Variants in RBM28 observed in about 807,000 individuals in gnomAD.
RBM28 encodes the protein RNA-binding protein 28.
A neutral mutation model predicts 98.3 loss-of-function variants in RBM28; 78 were observed. The ratio of observed to expected loss-of-function variants is 0.79; its 90% CI spans 0.66 to 0.96. RBM28 has a LOEUF of 0.96. Among genes scored for constraint, RBM28 ranks in the 40% least tolerant of loss-of-function variants. The probability of loss-of-function intolerance (pLI) is 0.00; values close to 1 mark genes in which losing one functional copy is unlikely to be tolerated. For missense variants in RBM28, 838 were observed against 913.0 expected, an observed-to-expected ratio of 0.92 and a Z score of 1.06; for synonymous variants, 306 against 330.9, an observed-to-expected ratio of 0.92 and a Z score of 0.82.
intron 8 of RBM28, among the ~76,000 whole-genome samples, chr7:128,334,882 G>A (rs532826371): frequency 6.6e-6 from 1 of 152,268 alleles, no homozygotes; most frequent in African/African-American, 2.4e-5. Context: ...AGAAAAGAGA[G>A]ACCAGAGTTC....
chr7:128,299,874 A>C lies in RBM28; in HGVS notation c.*10923T>G, dbSNP rs1795757685. 1 of 152,268 alleles carries C rather than the reference A, an allele frequency of 6.6e-6. No individual in the cohort carries two copies. The highest frequency in any genetic ancestry group is 6.5e-5 in the Admixed American group (1 of 15,290). The allele number at this position is 152,268 out of a possible 1,614,324, so 9.4% of individuals were successfully genotyped here. ...TTTATAAGAAGAGGGAAATTTGGAC[A>C]TAGACCTATAGACACAGGGAGAAGA... On this transcript the variant is annotated 3_prime_UTR_variant, in exon 19 of 19. Coordinates refer to ENST00000223073, the MANE Select transcript of RBM28 (RefSeq NM_018077.3).
At chr7:128,311,860 A>G (rs1420994485) in intron 18 of RBM28, among the ~76,000 whole-genome samples, 1 of 152,184 alleles carries the variant, frequency 6.6e-6, no homozygotes. Flanking sequence ...TAGGGTTCTA[A>G]TTAAAAATGC....
chr7:128,329,415 T>C (rs1796424746), intron 10 of RBM28, among the ~76,000 whole-genome samples: 1 of 152,102 alleles, frequency 6.6e-6, no homozygotes, highest in African/African-American at 2.4e-5. Flanking sequence ...TACTTTTTTT[T>C]AGCTGAGTAA....
At chr7:128,315,765 A>G (rs912231904) in intron 16 of RBM28, among the ~76,000 whole-genome samples, 5 of 152,238 alleles carry the variant, frequency 3.3e-5, no homozygotes, top group Non-Finnish European at 7.3e-5. Context: ...ATCCTTCAAA[A>G]GTGAAGGAAA....
chr7:128,333,187 A>G (rs778681347), intron 9 of RBM28, 103 bp downstream of exon 9: 5 of 885,114 alleles, frequency 5.6e-6, no homozygotes, highest in Non-Finnish European at 7.6e-6. Flanking sequence ...TGCTTGATCT[A>G]ATTTCTGGGC....
intron 14 of RBM28, among the ~76,000 whole-genome samples, chr7:128,320,327 G>GT (rs1796201277): frequency 7.9e-6 from 1 of 127,366 alleles, no homozygotes; most frequent in African/African-American, 2.9e-5. Context: ...CTTGAGCTTG[G>GT]GGGGGGGGGG....
At chr7:128,323,402 C>G in intron 13 of RBM28, 125 bp downstream of exon 13, 1 of 1,105,252 alleles carries the variant, frequency 9.0e-7, no homozygotes, top group East Asian at 2.4e-5. Flanking sequence ...TTCTCCCTAA[C>G]AGGGCAATAA....
Position 128,302,799 on chromosome 7 carries a change from G to T in RBM28, c.*7998C>A, listed in dbSNP as rs1204115352. ...TATTTTTATTATTTTTTTAGACAGG[G>T]TATCACGCTGTTGCCCAGGTTGGAG... On this transcript the variant is annotated 3_prime_UTR_variant, in exon 19 of 19. Coordinates refer to ENST00000223073, the MANE Select transcript of RBM28 (RefSeq NM_018077.3). 2 of 152,058 alleles carry T rather than the reference G, an allele frequency of 1.3e-5. No individual in the cohort carries two copies. Among genetic ancestry groups the T allele is most frequent in the South Asian group, 2.1e-4 (1 of 4,820 alleles). 9.4% of individuals were successfully genotyped at this position (152,058 alleles called of 1,614,324 possible). A position where few individuals can be genotyped will look rare whatever the true frequency, so the allele number is the denominator to read the frequency against.
intron 10 of RBM28, among the ~76,000 whole-genome samples, chr7:128,328,396 C>G (rs1796399923): frequency 6.6e-6 from 1 of 152,164 alleles, no homozygotes; most frequent in Non-Finnish European, 1.5e-5. Flanking sequence ...GCAGTTAATA[C>G]TTAGCTCTTC....
In RBM28 at chr7:128,337,211, C is replaced by A. The variant is rs1183431054; in HGVS notation, c.542-9G>T. 2 of 1,614,058 alleles carry A rather than the reference C, an allele frequency of 1.2e-6. No homozygotes were observed. The highest frequency in any genetic ancestry group is 1.7e-6 in the Non-Finnish European group (2 of 1,179,964). ...CACAGCCACTGTCCGGCCTGTCAAG[C>A]AGAAAAGTGGCATCAGAAAGGCTCT... On this transcript the variant is annotated splice_polypyrimidine_tract_variant and intron_variant, in intron 5 of 18. Transcript: ENST00000223073.
At chr7:128,314,032 G>C (rs900659452) in intron 17 of RBM28, among the ~76,000 whole-genome samples, 1 of 151,624 alleles carries the variant, frequency 6.6e-6, no homozygotes, top group Non-Finnish European at 1.5e-5. Flanking sequence ...GCGTGATCTC[G>C]GCTCACTGCA....
intron 8 of RBM28, among the ~76,000 whole-genome samples, chr7:128,335,108 G>A (rs1262537627): frequency 6.6e-6 from 1 of 152,172 alleles, no homozygotes; most frequent in East Asian, 1.9e-4. Flanking sequence ...AGTCCAAACT[G>A]ACTAAACAGT....
rs1431503215 is a variant in RBM28 at position 128,310,417 on chromosome 7, A to C, written c.*380T>G. ...TGACGTTGTTACTAAAAAGCCACAC[A>C]ATATCTCATTTAGAGAATATGCTTA... On this transcript the variant is annotated 3_prime_UTR_variant, in exon 19 of 19. Coordinates refer to ENST00000223073, the MANE Select transcript of RBM28 (RefSeq NM_018077.3). The C allele has an allele frequency of 3.4e-6, 1 of 292,134 alleles. No homozygotes were observed. The highest frequency in any genetic ancestry group is 4.9e-5 in the Admixed American group (1 of 20,312). 18.1% of individuals were successfully genotyped at this position (292,134 alleles called of 1,614,324 possible).
chr7:128,333,738 A>G (rs2116376740), intron 8 of RBM28, among the ~76,000 whole-genome samples: 1 of 152,252 alleles, frequency 6.6e-6, no homozygotes, highest in South Asian at 2.1e-4. Context: ...AAATAAATAA[A>G]AATAAAAATA....
chr7:128,299,460 T>C lies in RBM28; in HGVS notation c.*11337A>G, dbSNP rs1000809181. On this transcript the variant is annotated 3_prime_UTR_variant, in exon 19 of 19. Transcript: ENST00000223073. The stretch of plus-strand genomic sequence containing the variant: ...ACGAAAGGCACGCTCGACCAAGTTG[T>C]TTACTCTCTCCCCAAAGTAGCTAGC... 6 of 152,198 alleles carry C rather than the reference T, an allele frequency of 3.9e-5. No homozygotes were observed. The highest frequency in any genetic ancestry group is 7.3e-5 in the Non-Finnish European group (5 of 68,048). The allele number at this position is 152,198 out of a possible 1,614,324, so 9.4% of individuals were successfully genotyped here.
Position 128,339,808 on chromosome 7 carries a change from G to A in RBM28, c.119-17C>T, listed in dbSNP as rs1448374533. 7 of 1,612,668 alleles carry A rather than the reference G, an allele frequency of 4.3e-6. No homozygotes were observed. In the South Asian group the frequency reaches 5.5e-5, roughly 13 times the overall value. On this transcript the variant is annotated splice_polypyrimidine_tract_variant and intron_variant, in intron 1 of 18. Coordinates refer to ENST00000223073, the MANE Select transcript of RBM28 (RefSeq NM_018077.3). ...CCTTACTCCCTGGAATAATGGAGTG[G>A]GGAGGGAGTGGAGGGGCAGTGTGAA...
rs75083738 is a variant in RBM28 at position 128,305,472 on chromosome 7, G to C, written c.*5325C>G. ...CAGGTCGAGAGTAAGGAGATGAAGGGACATTTGAGACTCTGAATTTTTTCT... is the reference window on the plus strand; with the variant it reads ...CAGGTCGAGAGTAAGGAGATGAAGGCACATTTGAGACTCTGAATTTTTTCT... On this transcript the variant is annotated 3_prime_UTR_variant, in exon 19 of 19. Coordinates refer to ENST00000223073, the MANE Select transcript of RBM28 (RefSeq NM_018077.3). 6.6e-6 allele frequency: 1 copy of C among 152,232 alleles called. No homozygotes were observed. The highest frequency in any genetic ancestry group is 1.5e-5 in the Non-Finnish European group (1 of 68,098). The allele number at this position is 152,232 out of a possible 1,614,324, so 9.4% of individuals were successfully genotyped here. A position where few individuals can be genotyped will look rare whatever the true frequency, so the allele number is the denominator to read the frequency against.
intron 11 of RBM28, 65 bp downstream of exon 11, chr7:128,325,753 C>T (rs1204737095): frequency 9.4e-7 from 1 of 1,058,438 alleles, no homozygotes; most frequent in East Asian, 2.4e-5. Context: ...GTATAAATAC[C>T]AGATGTTGCC....
rs1201753637 is a variant in RBM28, at chr7:128,299,510, A to G, written c.*11287T>C. On this transcript the variant is annotated 3_prime_UTR_variant, in exon 19 of 19. Coordinates refer to ENST00000223073, the MANE Select transcript of RBM28 (RefSeq NM_018077.3). The stretch of plus-strand genomic sequence containing the variant: ...CCCTGGGAGGGGCAGTCTCTCCAGG[A>G]TAATGCATTATAAAAACAACAACAG... 3 of 152,234 alleles carry G rather than the reference A, an allele frequency of 2.0e-5. No homozygotes were observed. Among genetic ancestry groups the G allele is most frequent in the Non-Finnish European group, 4.4e-5 (3 of 68,034 alleles). 9.4% of individuals were successfully genotyped at this position (152,234 alleles called of 1,614,324 possible).
Sources: allele counts gnomAD v4.1 joint callset (sites outside exome capture counted in the v4.1 genomes callset), GRCh38; gene constraint gnomAD v4.1.1; transcripts MANE v1.5; gene names NCBI Gene and HGNC (gene_info 2026-07-23, HGNC 2026-07-21).